TENM3: variants seen among roughly 807,000 people sequenced by gnomAD.
TENM3 encodes teneurin-3.
TENM3 carries 63 observed loss-of-function variants against 255.1 expected under a neutral mutation model. That is an observed-to-expected ratio of 0.25 (90% CI 0.20 to 0.30). The LOEUF is 0.30. Ranked by LOEUF, TENM3 falls within the 10% of genes least tolerant of loss-of-function variation. The probability of loss-of-function intolerance (pLI) is 1.00; values close to 1 mark genes in which losing one functional copy is unlikely to be tolerated. For synonymous variants in TENM3, 1,306 were observed against 1,322.3 expected (o/e 0.99, Z 0.27); for missense variants, 2,929 against 3,461.1 (o/e 0.85, Z 3.86).
chr4:182,701,210 C>CTTTTTTGTTTTT (rs1757834179), intron 12 of TENM3, among the ~76,000 whole-genome samples: 1 of 38,644 alleles, frequency 2.6e-5, no homozygotes, highest in Non-Finnish European at 4.3e-5. Context: ...CAACTCTTGA[C>CTTTTTTGTTTTT]TTTTTTTTTT....
the TENM3 span, among the ~76,000 whole-genome samples, chr4:181,743,608 A>C: frequency 6.6e-6 from 1 of 152,054 alleles, no homozygotes; most frequent in African/African-American, 2.4e-5. Context: ...AATGCAGCAG[A>C]GGGGCTCAGA....
At chr4:182,137,771 A>G in the TENM3 span, among the ~76,000 whole-genome samples, 4 of 152,190 alleles carry the variant, frequency 2.6e-5, no homozygotes, top group African/African-American at 7.2e-5. Context: ...AAGAAACTGT[A>G]TCTTTTTCAA....
intron 3 of TENM3, among the ~76,000 whole-genome samples, chr4:182,427,030 T>C (rs1771272746): frequency 6.6e-6 from 1 of 152,222 alleles, no homozygotes; most frequent in Non-Finnish European, 1.5e-5. Context: ...TGTTAATGTT[T>C]TGGATTTGGT....
intron 3 of TENM3, among the ~76,000 whole-genome samples, chr4:182,593,806 T>C (rs748725897): frequency 2.0e-5 from 3 of 152,136 alleles, no homozygotes; most frequent in Non-Finnish European, 4.4e-5. Flanking sequence ...CACACCAAGA[T>C]ATTTTCATCT....
At chr4:182,648,865 G>T (rs1006851008) in intron 5 of TENM3, among the ~76,000 whole-genome samples, 1 of 152,034 alleles carries the variant, frequency 6.6e-6, no homozygotes, top group Admixed American at 6.6e-5. Context: ...CCAACATTAG[G>T]CTTGTGAGAT....
chr4:182,424,173 A>G lies in TENM3; in HGVS notation c.511+77244A>G, dbSNP rs78016042. On this transcript the variant is annotated intron_variant, in intron 3 of 27. Coordinates refer to ENST00000511685, the MANE Select transcript of TENM3 (RefSeq NM_001080477.4). Reference sequence around the variant, plus strand: ...TTTTTTCTGTATTTTCTTTGGTTGCAGTATCTACAATTAAATTTAAAAAGC... The same window carrying G: ...TTTTTTCTGTATTTTCTTTGGTTGCGGTATCTACAATTAAATTTAAAAAGC... 6.4e-3 allele frequency among the ~76,000 whole-genome samples: 971 copies of G among 152,306 alleles called. 5 individuals carry two copies. The highest frequency in any genetic ancestry group is 0.022 in the African/African-American group (910 of 41,574).
chr4:181,713,323 G>A, the TENM3 span, among the ~76,000 whole-genome samples: 1 of 152,050 alleles, frequency 6.6e-6, no homozygotes, highest in East Asian at 1.9e-4. Flanking sequence ...CCACGAAAAG[G>A]TTCTTTACAG....
At chr4:181,656,278 A>C in the TENM3 span, among the ~76,000 whole-genome samples, 1 of 152,226 alleles carries the variant, frequency 6.6e-6, no homozygotes, top group Non-Finnish European at 1.5e-5. Context: ...CAGCAGCCTG[A>C]GACAGAAGCC....
the TENM3 span, among the ~76,000 whole-genome samples, chr4:181,481,730 G>A: frequency 3.9e-5 from 6 of 152,104 alleles, no homozygotes; most frequent in Non-Finnish European, 7.4e-5. Context: ...ACTCTCTGAG[G>A]CACTGAGCAC....
the TENM3 span, among the ~76,000 whole-genome samples, chr4:181,486,017 G>GAAA: frequency 6.7e-6 from 1 of 149,484 alleles, no homozygotes; most frequent in South Asian, 2.1e-4. Flanking sequence ...AAACTTGAGA[G>GAAA]AAAAAAAAAA....
chr4:181,473,089 A>G, the TENM3 span, among the ~76,000 whole-genome samples: 1 of 151,948 alleles, frequency 6.6e-6, no homozygotes, highest in South Asian at 2.1e-4. Flanking sequence ...TAATTAAACA[A>G]TATTTCATTA....
At chr4:182,179,498 T>C (rs372128910) in intron 1 of TENM3, among the ~76,000 whole-genome samples, 2 of 152,368 alleles carry the variant, frequency 1.3e-5, no homozygotes, top group African/African-American at 4.8e-5. Context: ...TAAGAATCAC[T>C]GTTGCATACT....
chr4:182,327,590 A>T (rs1221406572), intron 2 of TENM3, among the ~76,000 whole-genome samples: 3 of 152,232 alleles, frequency 2.0e-5, no homozygotes, highest in African/African-American at 7.2e-5. Context: ...AGGTAGCATA[A>T]TGCTGGGGAT....
intron 1 of TENM3, among the ~76,000 whole-genome samples, chr4:182,291,576 A>G (rs924196599): frequency 1.3e-5 from 2 of 152,092 alleles, no homozygotes; most frequent in Non-Finnish European, 2.9e-5. Flanking sequence ...ACTGGATAAT[A>G]TTACCCTCCC....
chr4:181,586,913 A>T, the TENM3 span, among the ~76,000 whole-genome samples: 2 of 151,976 alleles, frequency 1.3e-5, no homozygotes, highest in South Asian at 4.1e-4. Context: ...TTTTCTTAAA[A>T]GAAATTTCTT....
chr4:181,730,832 T>A, the TENM3 span, among the ~76,000 whole-genome samples: 2 of 152,206 alleles, frequency 1.3e-5, no homozygotes, highest in African/African-American at 4.8e-5. Flanking sequence ...ATTGAAGCTA[T>A]GCAGCCACCA....
chr4:181,603,031 CCTG>C, the TENM3 span, among the ~76,000 whole-genome samples: 5 of 152,266 alleles, frequency 3.3e-5, no homozygotes, highest in African/African-American at 1.2e-4. Flanking sequence ...TGCGGTGCCA[CCTG>C]CTGAAATGGC....
the TENM3 span, among the ~76,000 whole-genome samples, chr4:181,585,253 C>G: frequency 6.6e-6 from 1 of 152,260 alleles, no homozygotes; most frequent in East Asian, 1.9e-4. Context: ...TTACAGTTCT[C>G]AACAATATGA....
the TENM3 span, among the ~76,000 whole-genome samples, chr4:181,865,079 G>A: frequency 3.3e-4 from 50 of 152,244 alleles, no homozygotes; most frequent in Middle Eastern, 0.017. Flanking sequence ...AATACTACTG[G>A]AGTTGACTTA....
Sources: allele counts gnomAD v4.1 joint callset (sites outside exome capture counted in the v4.1 genomes callset), GRCh38; gene constraint gnomAD v4.1.1; transcripts MANE v1.5; gene names NCBI Gene and HGNC (gene_info 2026-07-23, HGNC 2026-07-21).